The following OSBPL6 variants were observed in gnomAD, a reference collection of about 807,000 sequenced individuals.
OSBPL6 encodes the protein oxysterol-binding protein-related protein 6.
A neutral mutation model predicts 125.8 loss-of-function variants in OSBPL6; 49 were observed. The ratio of observed to expected loss-of-function variants is 0.39; its 90% CI spans 0.31 to 0.49. OSBPL6 has a LOEUF of 0.49. Among genes scored for constraint, OSBPL6 ranks in the 20% least tolerant of loss-of-function variants. The pLI is 0.88. For synonymous variants in OSBPL6, 394 were observed against 391.8 expected, an observed-to-expected ratio of 1.01 and a Z score of -0.07; for missense variants, 986 against 1,135.4, an observed-to-expected ratio of 0.87 and a Z score of 1.89.
chr2:178,387,715 A>C (rs964481490), intron 20 of OSBPL6, among the ~76,000 whole-genome samples: 2 of 152,178 alleles, frequency 1.3e-5, no homozygotes, highest in Non-Finnish European at 2.9e-5. Context: ...TGAATATTTG[A>C]ACATGTAGGC....
At chr2:178,202,176 T>C (rs1003182962) in intron 1 of OSBPL6, among the ~76,000 whole-genome samples, 3 of 152,224 alleles carry the variant, frequency 2.0e-5, no homozygotes, top group African/African-American at 7.2e-5. Flanking sequence ...GATATGTAAA[T>C]GATAATTTAC....
chr2:178,272,779 C>T (rs941372812), intron 1 of OSBPL6, among the ~76,000 whole-genome samples: 3 of 152,198 alleles, frequency 2.0e-5, no homozygotes, highest in Non-Finnish European at 4.4e-5. Context: ...CTTTAGCATC[C>T]TTCTTGCATA....
chr2:178,331,440 A>T, intron 5 of OSBPL6, 112 bp from the exon 6 acceptor site: 1 of 1,137,632 alleles, frequency 8.8e-7, no homozygotes, highest in Non-Finnish European at 1.3e-6. Context: ...AGATACATTA[A>T]AATGATCAAA....
chr2:178,320,205 T>G, intron 3 of OSBPL6: 1 of 1,515,614 alleles, frequency 6.6e-7, no homozygotes, highest in South Asian at 1.2e-5. Flanking sequence ...ACCTATGTCT[T>G]TGATACCAAG....
At chr2:178,264,791 G>T (rs1236541102) in intron 1 of OSBPL6, among the ~76,000 whole-genome samples, 3 of 152,010 alleles carry the variant, frequency 2.0e-5, no homozygotes, top group Non-Finnish European at 4.4e-5. Context: ...ACTTTTTTAG[G>T]ATTTTGTACT....
chr2:178,366,729 T>C (rs183087934), intron 13 of OSBPL6, among the ~76,000 whole-genome samples: 24 of 152,344 alleles, frequency 1.6e-4, no homozygotes, highest in Non-Finnish European at 3.1e-4. Flanking sequence ...CAAATAATTA[T>C]TCTGTGATGA....
chr2:178,233,120 T>C (rs1404121677), intron 1 of OSBPL6, among the ~76,000 whole-genome samples: 1 of 152,224 alleles, frequency 6.6e-6, no homozygotes, highest in Admixed American at 6.5e-5. Flanking sequence ...TTACAATTCT[T>C]CAAGTACCTT....
At chr2:178,193,981 C>T (rs1262938713), upstream of OSBPL6, among the ~76,000 whole-genome samples, 1 of 152,218 alleles carries the variant, frequency 6.6e-6, no homozygotes, top group Non-Finnish European at 1.5e-5. Context: ...CGCCCAGGGA[C>T]ATGGGTTTGG....
intron 1 of OSBPL6, among the ~76,000 whole-genome samples, chr2:178,257,842 C>T (rs965787779): frequency 1.3e-5 from 2 of 149,668 alleles, no homozygotes; most frequent in African/African-American, 4.9e-5. Flanking sequence ...TTTTTTGAGA[C>T]CGGAGTGCAG....
chr2:178,363,662 A>G (rs1177193427), intron 13 of OSBPL6, among the ~76,000 whole-genome samples: 2 of 152,234 alleles, frequency 1.3e-5, no homozygotes, highest in African/African-American at 4.8e-5. Flanking sequence ...TGATGCTAAC[A>G]TGATAAAAGT....
chr2:178,346,687 C>T (rs114091391), intron 11 of OSBPL6, among the ~76,000 whole-genome samples: 11 of 152,276 alleles, frequency 7.2e-5, no homozygotes, highest in Non-Finnish European at 1.2e-4. Flanking sequence ...ACAGAGAAAC[C>T]AGTTACCACT....
At position 178,342,697 on chromosome 2, in the gene OSBPL6, A is replaced by G. The variant is rs115220085; in HGVS notation, c.987+2933A>G. Among the ~76,000 whole-genome samples, 451 of 152,348 alleles carry G rather than the reference A, an allele frequency of 3.0e-3. 5 individuals are homozygous for G. Among genetic ancestry groups the G allele is most frequent in the African/African-American group, 0.011 (440 of 41,574 alleles). ...ATCTCAGTACCATTATGCAGTAACA[A>G]TTTGGCTGTGTTTTAAATGAAGTAA... is the stretch of plus-strand genomic sequence containing the variant. On this transcript the variant is annotated intron_variant, in intron 11 of 24. Coordinates refer to ENST00000190611, the MANE Select transcript of OSBPL6 (RefSeq NM_032523.4).
At chr2:178,389,265 C>A in intron 21 of OSBPL6, 112 bp downstream of exon 21, 1 of 1,034,094 alleles carries the variant, frequency 9.7e-7, no homozygotes, top group Non-Finnish European at 1.4e-6. Context: ...TATCATTGGT[C>A]CTTACGGACA....
intron 2 of OSBPL6, among the ~76,000 whole-genome samples, chr2:178,300,799 G>A (rs575298854): frequency 6.6e-5 from 10 of 152,250 alleles, no homozygotes; most frequent in Admixed American, 2.6e-4. Context: ...AGATTCCAGC[G>A]TGATTTAGAG....
At position 178,369,601 on chromosome 2, in the gene OSBPL6, A is replaced by T. The variant is rs6743734; in HGVS notation, c.1288-2525A>T. The stretch of plus-strand genomic sequence containing the variant: ...CCAGGCTAGAATTTTTATTTTTCAC[A>T]TCACATCTAAGAAAAAGAATAAATT... On this transcript the variant is annotated intron_variant, in intron 13 of 24. Coordinates refer to ENST00000190611, the MANE Select transcript of OSBPL6 (RefSeq NM_032523.4). Among the ~76,000 whole-genome samples, 388 of 152,304 alleles carry T rather than the reference A, an allele frequency of 2.5e-3. 1 individual carries two copies. Among genetic ancestry groups the T allele is most frequent in the Middle Eastern group, 0.01 (3 of 294 alleles).
At chr2:178,335,302 C>T (rs1689581286) in intron 8 of OSBPL6, among the ~76,000 whole-genome samples, 1 of 152,088 alleles carries the variant, frequency 6.6e-6, no homozygotes, top group African/African-American at 2.4e-5. Flanking sequence ...ATCAAATCCT[C>T]CCCACTGTTT....
chr2:178,247,638 A>G (rs909832329), intron 1 of OSBPL6, among the ~76,000 whole-genome samples: 2 of 151,980 alleles, frequency 1.3e-5, no homozygotes, highest in South Asian at 2.1e-4. Context: ...TTTCTCTTCC[A>G]GAAGTAGCAC....
At chr2:178,238,578 A>G (rs113720930) in intron 1 of OSBPL6, among the ~76,000 whole-genome samples, 3 of 152,342 alleles carry the variant, frequency 2.0e-5, no homozygotes, top group African/African-American at 7.2e-5. Context: ...GTAAGAACGA[A>G]TCTTCTATCT....
rs1432430004 is a variant in OSBPL6 at position 178,328,309 on chromosome 2, C to T, written c.249C>T (p.Val83=). Residue 83 remains valine (V), a synonymous_variant, in exon 5 of 25, where the codon GTC becomes GTT. Coordinates refer to ENST00000190611, the MANE Select transcript of OSBPL6 (RefSeq NM_032523.4). The part of the protein sequence containing the change: ...IEGLKIGQTN[V]QKPDKHEGFM... Reference sequence around the variant, plus strand: ...GGCTGAAAATAGGCCAAACCAATGTCCAGAAACCAGACAAACATGAGGGCT... The same window carrying T: ...GGCTGAAAATAGGCCAAACCAATGTTCAGAAACCAGACAAACATGAGGGCT... The T allele has an allele frequency of 6.2e-7, 1 of 1,613,766 alleles. No individual in the cohort carries two copies. Among genetic ancestry groups the T allele is most frequent in the Admixed American group, 1.7e-5 (1 of 60,006 alleles).
Sources: gnomAD v4.1 joint callset for allele counts (sites outside exome capture counted in the v4.1 genomes callset) on GRCh38, gnomAD v4.1.1 for gene constraint, MANE v1.5 for transcripts, NCBI Gene and HGNC (gene_info 2026-07-23, HGNC 2026-07-21) for gene names.